The following MAD2L2 variants were observed in gnomAD, a reference collection of about 807,000 sequenced individuals.
The protein encoded by MAD2L2 is mitotic arrest deficient 2 like 2, also known as mitotic spindle assembly checkpoint protein MAD2B.
Under a neutral mutation model 30.5 loss-of-function variants are expected in MAD2L2, and 17 were observed. The ratio of observed to expected loss-of-function variants is 0.56; its 90% CI spans 0.38 to 0.84. The LOEUF is 0.84. Ranked by LOEUF, MAD2L2 falls within the 40% of genes least tolerant of loss-of-function variation. MAD2L2 has a pLI of 0.00. For missense variants in MAD2L2, 213 were observed against 277.4 expected, an observed-to-expected ratio of 0.77 and a Z score of 1.65; for synonymous variants, 101 against 113.9, an observed-to-expected ratio of 0.89 and a Z score of 0.72.
upstream of MAD2L2, among the ~76,000 whole-genome samples, chr1:11,682,433 G>A (rs997245104): frequency 2.0e-5 from 3 of 151,554 alleles, no homozygotes; most frequent in Non-Finnish European, 4.4e-5. Context: ...GCTCATTATA[G>A]AAGACCTGGA....
chr1:11,691,089 A>G (rs1270443469), intron 1 of MAD2L2, among the ~76,000 whole-genome samples: 2 of 152,168 alleles, frequency 1.3e-5, no homozygotes, highest in Non-Finnish European at 2.9e-5. Context: ...GACCTCTCGG[A>G]GAACCCCGCC....
rs550484783 is a variant in MAD2L2, at chr1:11,675,202, T to G, written c.502-28A>C. ...AGGGAGGAGACAAAGGTCAGGGGGG[T>G]GACGGGGCTGGGCCCTGGCCTGCCC... On this transcript the variant is annotated intron_variant, in intron 7 of 8. Coordinates refer to ENST00000376692, the MANE Select transcript of MAD2L2 (RefSeq NM_006341.4). 5 of 1,518,050 alleles carry G rather than the reference T, an allele frequency of 3.3e-6. No homozygotes were observed. The South Asian group carries it at 3.7e-5, about 11-fold the overall frequency. 94.0% of individuals were successfully genotyped at this position (1,518,050 alleles called of 1,614,324 possible). A position where few individuals can be genotyped will look rare whatever the true frequency, so the allele number is the denominator to read the frequency against.
chr1:11,683,157 A>G (rs1288123076), upstream of MAD2L2, among the ~76,000 whole-genome samples: 1 of 152,152 alleles, frequency 6.6e-6, no homozygotes. Flanking sequence ...CTCCTGTGGG[A>G]TGGCCTTCAG....
chr1:11,675,420 GC>G (rs1031628908), intron 7 of MAD2L2, among the ~76,000 whole-genome samples: 1 of 152,164 alleles, frequency 6.6e-6, no homozygotes, highest in Non-Finnish European at 1.5e-5. Flanking sequence ...TCCCTGGAGA[GC>G]CCCCACTTCA....
Position 11,675,094 on chromosome 1 carries a change from C to T in MAD2L2, c.582G>A (p.Ser194=), listed in dbSNP as rs141637184. 374 of 1,594,876 alleles carry T rather than the reference C, an allele frequency of 2.3e-4. 2 individuals are homozygous for T. The African/African-American group carries it at 4.4e-3, about 19-fold the overall frequency. Residue 194 remains serine (S), a synonymous_variant, in exon 8 of 9, where the codon TCG becomes TCA. Transcript: ENST00000376692. ...CCACGAAGCTCACCTTTAAAATGTCCGACGTCATGGTTTTTAGTGGTATCA... is the reference window on the plus strand; with the variant it reads ...CCACGAAGCTCACCTTTAAAATGTCTGACGTCATGGTTTTTAGTGGTATCA... The part of the protein sequence containing the change: ...PRLIPLKTMT[S]DILKMQLYVE...
upstream of MAD2L2, chr1:11,682,149 C>T (rs1640890125): frequency 6.6e-6 from 1 of 152,142 alleles, no homozygotes; most frequent in Admixed American, 6.6e-5. Context: ...GTTAAACAGG[C>T]CCAGAAACGT....
intron 1 of MAD2L2, among the ~76,000 whole-genome samples, chr1:11,689,305 A>G (rs1443347481): frequency 4.6e-5 from 7 of 151,112 alleles, no homozygotes; most frequent in Non-Finnish European, 8.9e-5. Flanking sequence ...AAAAAAAAAA[A>G]AAAAAAAAAA....
Position 11,687,471 on chromosome 1 carries a change from C to T in MAD2L2, c.-692+3942G>A, listed in dbSNP as rs1640979707. 6.6e-6 allele frequency among the ~76,000 whole-genome samples: 1 copy of T among 152,256 alleles called. No individual in the cohort carries two copies. Among genetic ancestry groups the T allele is most frequent in the Non-Finnish European group, 1.5e-5 (1 of 68,010 alleles). ...GCCAGGCTGGTCTCGAACTCCTGAC[C>T]TCAGGTGACCCACCTACCTTGGCCT... On this transcript the variant is annotated intron_variant, in intron 1 of 10. Coordinates refer to the MAD2L2 transcript ENST00000235310. This position sits in a 1 kb window ranked among gnomAD's most constrained non-coding sequence, Gnocchi z 4.1.
Position 11,680,478 on chromosome 1 carries a change from G to A in MAD2L2, c.41-7C>T, listed in dbSNP as rs2233015. The A allele has an allele frequency of 1.9e-6, 3 of 1,613,302 alleles. No homozygotes were observed. In the East Asian group the frequency reaches 6.7e-5, roughly 36 times the overall value. ...CAGAGCACATCGGCCACCACTGCAGGGGGGCACAAGCCGGTGGCGCGCTCG... is the reference window on the plus strand; with the variant it reads ...CAGAGCACATCGGCCACCACTGCAGAGGGGCACAAGCCGGTGGCGCGCTCG... On this transcript the variant is annotated splice_polypyrimidine_tract_variant and splice_region_variant and intron_variant, in intron 2 of 8. Transcript: ENST00000376692.
At position 11,691,167 on chromosome 1, in the gene MAD2L2, G is replaced by C. The variant is rs535385805; in HGVS notation, c.-692+246C>G. 7.0e-3 allele frequency among the ~76,000 whole-genome samples: 1,055 copies of C among 151,470 alleles called. 2 individuals carry two copies. The highest frequency in any genetic ancestry group is 0.012 in the Non-Finnish European group (804 of 67,846). On this transcript the variant is annotated intron_variant, in intron 1 of 10. Coordinates refer to the MAD2L2 transcript ENST00000235310. ...TTCCCCGTCCCGCCTCCCCCGCCCT[G>C]GGCATTTCTTCCGTCCCTTTTGACA...
rs560997420 is a variant in MAD2L2, at chr1:11,687,082, T to A, written c.-692+4331A>T. ...TTTTTTATTTTTTTATTTTATTTTT[T>A]GGAGACAGGGTCTCACTCTGTCATC... is the stretch of plus-strand genomic sequence containing the variant. On this transcript the variant is annotated intron_variant, in intron 1 of 10. Transcript: ENST00000235310. This position sits in a 1 kb window ranked among gnomAD's most constrained non-coding sequence, Gnocchi z 4.1. Among the ~76,000 whole-genome samples, 1 of 152,166 alleles carries A rather than the reference T, an allele frequency of 6.6e-6. No individual in the cohort carries two copies. The highest frequency in any genetic ancestry group is 6.5e-5 in the Admixed American group (1 of 15,268).
At chr1:11,677,159 C>T (rs988766319) in intron 4 of MAD2L2, 1 of 617,738 alleles carries the variant, frequency 1.6e-6, no homozygotes, top group East Asian at 2.7e-5. Flanking sequence ...AATGCCCGGG[C>T]CCCATAGGGA....
At chr1:11,681,885 G>A (rs928368649), upstream of MAD2L2, 3 of 152,154 alleles carry the variant, frequency 2.0e-5, no homozygotes, top group African/African-American at 7.2e-5. Flanking sequence ...TGAATAACCT[G>A]CCCGAGTCTC....
Position 11,691,064 on chromosome 1 carries a change from C to G in MAD2L2, c.-692+349G>C, listed in dbSNP as rs997128003. On this transcript the variant is annotated intron_variant, in intron 1 of 10. Transcript: ENST00000235310. ...TAGCACTTTGAAGACCCTTTGTACC[C>G]CTACATCCAGGAGCGACCTCTCGGA... Among the ~76,000 whole-genome samples, 3 of 152,196 alleles carry G rather than the reference C, an allele frequency of 2.0e-5. No homozygotes were observed. The East Asian group carries it at 5.8e-4, about 29-fold the overall frequency.
At chr1:11,684,916 C>CAT (rs1640933228), upstream of MAD2L2, among the ~76,000 whole-genome samples, 1 of 123,886 alleles carries the variant, frequency 8.1e-6, no homozygotes, top group Non-Finnish European at 1.7e-5. Context: ...TTCAGGTTCT[C>CAT]TCTCTCTCTC....
chr1:11,679,143 G>A (rs1249352567), intron 3 of MAD2L2, among the ~76,000 whole-genome samples: 3 of 152,106 alleles, frequency 2.0e-5, no homozygotes, highest in Non-Finnish European at 4.4e-5. Context: ...CAGCCAGGGC[G>A]ACAGAGCGAG....
At chr1:11,691,404 C>T (rs1641063173) in intron 1 of MAD2L2, 1 of 152,066 alleles carries the variant, frequency 6.6e-6, no homozygotes, top group Non-Finnish European at 1.5e-5. Flanking sequence ...CGAGGCGGCT[C>T]TTACGCACCG....
rs752166135 is a variant in MAD2L2 at position 11,680,589 on chromosome 1, T to C, written c.13A>G (p.Thr5Ala). The C allele has an allele frequency of 1.9e-6, 3 of 1,579,264 alleles. No individual in the cohort carries two copies. The highest frequency in any genetic ancestry group is 2.6e-6 in the Non-Finnish European group (3 of 1,159,604). ...TGGCCAAAGTTGAGGTCTTGTCGTG[T>C]GAGCGTGGTCATCCTTCCCGCTACC... is the stretch of plus-strand genomic sequence containing the variant. MTTLTRQDLNFGQVV... is the reference protein window; with the variant it reads MTTLARQDLNFGQVV... Residue 5 changes from threonine to alanine, a missense_variant, in exon 2 of 9, where the codon ACA becomes GCA. Thr to Ala is a moderately conservative substitution (Grantham distance 58). Transcript: ENST00000376692.
upstream of MAD2L2, among the ~76,000 whole-genome samples, chr1:11,685,941 G>C (rs1330203153): frequency 6.6e-6 from 1 of 152,046 alleles, no homozygotes; most frequent in Admixed American, 6.6e-5. Flanking sequence ...TATAAAGTGA[G>C]ACCCTGTCTC....
Sources: allele counts gnomAD v4.1 joint callset (sites outside exome capture counted in the v4.1 genomes callset), GRCh38; gene constraint gnomAD v4.1.1; non-coding constraint Gnocchi (gnomAD v3.1); transcripts MANE v1.5; gene names NCBI Gene and HGNC (gene_info 2026-07-23, HGNC 2026-07-21).